Variants in PIKFYVE observed in about 807,000 individuals in gnomAD.
PIKFYVE encodes phosphoinositide kinase, FYVE-type zinc finger containing.
Under a neutral mutation model 257.9 loss-of-function variants are expected in PIKFYVE, and 122 were observed. That is an observed-to-expected ratio of 0.47 (90% CI 0.41 to 0.55). The LOEUF (loss-of-function observed/expected upper bound fraction) is 0.55, where lower values mean the gene tolerates loss of function less well. Among genes scored for constraint, PIKFYVE ranks in the 20% least tolerant of loss-of-function variants. The pLI is 0.00. For synonymous variants in PIKFYVE, 892 were observed against 868.9 expected, an observed-to-expected ratio of 1.03 and a Z score of -0.47; for missense variants, 2,160 against 2,536.6, an observed-to-expected ratio of 0.85 and a Z score of 3.19.
intron 5 of PIKFYVE, among the ~76,000 whole-genome samples, chr2:208,281,753 A>G (rs771912612): frequency 3.6e-4 from 55 of 152,240 alleles, no homozygotes; most frequent in Non-Finnish European, 6.6e-4. Flanking sequence ...GGTGTTTAAC[A>G]TCCCCAGCTC....
chr2:208,305,541 A>G, intron 12 of PIKFYVE: 1 of 803,952 alleles, frequency 1.2e-6, no homozygotes, highest in Non-Finnish European at 1.5e-6. Context: ...TTTCTTCTCT[A>G]ATGTAAAATG....
At chr2:208,350,105 A>T in intron 36 of PIKFYVE, 22 bp downstream of exon 36, 1 of 1,612,080 alleles carries the variant, frequency 6.2e-7, no homozygotes, top group Non-Finnish European at 8.5e-7. Context: ...ATATTATATC[A>T]TTGGTTTGGG....
At chr2:208,272,516 A>T (rs527331207) in intron 2 of PIKFYVE, among the ~76,000 whole-genome samples, 2 of 152,320 alleles carry the variant, frequency 1.3e-5, no homozygotes, top group South Asian at 2.1e-4. Context: ...ATGTAATGAC[A>T]TCAAATGGAA....
In PIKFYVE at chr2:208,350,215, G is replaced by A. The variant is rs954430321; in HGVS notation, c.5434+132G>A. 5 of 1,298,230 alleles carry A rather than the reference G, an allele frequency of 3.9e-6. No individual in the cohort carries two copies. The African/African-American group carries it at 6.0e-5, about 16-fold the overall frequency. The allele number at this position is 1,298,230 out of a possible 1,614,324, so 80.4% of individuals were successfully genotyped here. A position where few individuals can be genotyped will look rare whatever the true frequency, so the allele number is the denominator to read the frequency against. ...GAAATGAATATTAAGTCTTTATGCTGACATGAGGTATATTTAATCAACAGT... is the reference window on the plus strand; with the variant it reads ...GAAATGAATATTAAGTCTTTATGCTAACATGAGGTATATTTAATCAACAGT... On this transcript the variant is annotated intron_variant, in intron 36 of 41. Coordinates refer to ENST00000264380, the MANE Select transcript of PIKFYVE (RefSeq NM_015040.4).
intron 18 of PIKFYVE, 68 bp from the exon 19 acceptor site, chr2:208,324,843 C>T: frequency 2.6e-6 from 4 of 1,554,868 alleles, no homozygotes; most frequent in Non-Finnish European, 3.5e-6. Flanking sequence ...CATTACTTTT[C>T]CAGATTAAAT....
rs1696740394 is a variant in PIKFYVE at position 208,324,903 on chromosome 2, T to C, written c.2332-8T>C. ...AGTTTTGTAATACAATGTTTTTCTG[T>C]TTTGTAGCAAGTTTTGGAACGAATC... On this transcript the variant is annotated splice_region_variant and splice_polypyrimidine_tract_variant and intron_variant, in intron 18 of 41. Coordinates refer to ENST00000264380, the MANE Select transcript of PIKFYVE (RefSeq NM_015040.4). The C allele has an allele frequency of 6.2e-7, 1 of 1,613,604 alleles. No individual in the cohort carries two copies. The highest frequency in any genetic ancestry group is 8.5e-7 in the Non-Finnish European group (1 of 1,179,566).
chr2:208,293,759 T>A (rs1692617836), intron 7 of PIKFYVE, among the ~76,000 whole-genome samples: 2 of 151,932 alleles, frequency 1.3e-5, no homozygotes, highest in Admixed American at 1.3e-4. Context: ...CAAGCGATCC[T>A]CTTGCTTTGG....
chr2:208,349,528 T>C (rs889995334), intron 35 of PIKFYVE, among the ~76,000 whole-genome samples: 1 of 149,942 alleles, frequency 6.7e-6, no homozygotes, highest in Non-Finnish European at 1.5e-5. Context: ...TAATTATATA[T>C]GTTATAGGCT....
At chr2:208,333,714 G>A (rs1020620712) in intron 24 of PIKFYVE, among the ~76,000 whole-genome samples, 3 of 152,066 alleles carry the variant, frequency 2.0e-5, no homozygotes, top group Non-Finnish European at 4.4e-5. Context: ...CAGAGCTTAC[G>A]ATCATTCACT....
At position 208,276,782 on chromosome 2, in the gene PIKFYVE, C is replaced by T. The variant is rs1345026598; in HGVS notation, c.393C>T (p.Leu131=). ...GTACAGCTGTTCAGCTTCGAAGCCT[C>T]AGCACAGTATTAAAACGCCTCAAGG... The part of the protein sequence containing the change: ...DPRTAVQLRS[L]STVLKRLKEI... Residue 131 remains leucine (L), a synonymous_variant, in exon 4 of 42, where the codon CTC becomes CTT. Transcript: ENST00000264380. 6.2e-7 allele frequency: 1 copy of T among 1,613,612 alleles called. No homozygotes were observed. The highest frequency in any genetic ancestry group is 1.1e-5 in the South Asian group (1 of 91,058).
At chr2:208,269,916 G>T in intron 1 of PIKFYVE, 1 of 272,922 alleles carries the variant, frequency 3.7e-6, no homozygotes, top group African/African-American at 2.3e-5. Context: ...TTTGGAGATG[G>T]AGGGCCCTGC....
intron 19 of PIKFYVE, 86 bp from the exon 20 acceptor site, chr2:208,325,184 A>C: frequency 1.3e-6 from 2 of 1,557,896 alleles, no homozygotes; most frequent in Non-Finnish European, 1.8e-6. Flanking sequence ...TTTCTTTTAC[A>C]GATATTAAGA....
Position 208,325,393 on chromosome 2 carries a change from G to A in PIKFYVE, c.2582G>A (p.Cys861Tyr), listed in dbSNP as rs1696805589. ...RVKEILIFMI[C>Y]VAYHSQLEIS... Reference sequence around the variant, plus strand: ...AAGGAGATCCTAATATTTATGATCTGTGTTGCTTATCATTCTCAACTAGAA... The same window carrying A: ...AAGGAGATCCTAATATTTATGATCTATGTTGCTTATCATTCTCAACTAGAA... Residue 861 changes from cysteine to tyrosine, a missense_variant, in exon 20 of 42, where the codon TGT (cysteine) becomes TAT (tyrosine). Cys to Tyr is a radical substitution (Grantham distance 194). Around this residue, in one of 12 missense-constraint regions of PIKFYVE, gnomAD observed 522 missense variants for 514.6 expected, o/e 1.01. Transcript: ENST00000264380. 1.9e-6 allele frequency: 3 copies of A among 1,613,980 alleles called. No individual in the cohort carries two copies. Among genetic ancestry groups the A allele is most frequent in the African/African-American group, 1.3e-5 (1 of 74,906 alleles).
rs770072196 is a variant in PIKFYVE at position 208,273,542 on chromosome 2, A to G, written c.173-42A>G. 6 of 1,612,806 alleles carry G rather than the reference A, an allele frequency of 3.7e-6. No homozygotes were observed. The South Asian group carries it at 6.6e-5, about 18-fold the overall frequency. On this transcript the variant is annotated intron_variant, in intron 2 of 41. Coordinates refer to ENST00000264380, the MANE Select transcript of PIKFYVE (RefSeq NM_015040.4). ...TCATCTACTTCCTTCTCATTGCTGA[A>G]CTCTCAGTCTTTAAATAATGCCAAG...
intron 15 of PIKFYVE, among the ~76,000 whole-genome samples, chr2:208,317,350 A>G (rs1442264202): frequency 3.9e-5 from 6 of 152,196 alleles, no homozygotes; most frequent in East Asian, 1.9e-4. Context: ...AAAAGAAGAC[A>G]TTTATGCAGC....
intron 34 of PIKFYVE, 40 bp downstream of exon 34, chr2:208,346,187 C>G: frequency 2.8e-6 from 4 of 1,432,692 alleles, no homozygotes; most frequent in Non-Finnish European, 2.9e-6. Flanking sequence ...ATTAGATTTA[C>G]CTATAATTAT....
intron 2 of PIKFYVE, 59 bp from the exon 3 acceptor site, chr2:208,273,525 T>G: frequency 6.2e-7 from 1 of 1,607,958 alleles, no homozygotes; most frequent in South Asian, 1.1e-5. Flanking sequence ...TTTCATCTAC[T>G]TCCTTCTCAT....
chr2:208,316,625 A>G (rs1175525448), intron 15 of PIKFYVE, among the ~76,000 whole-genome samples: 1 of 152,176 alleles, frequency 6.6e-6, no homozygotes, highest in Non-Finnish European at 1.5e-5. Flanking sequence ...CTCTGATGAA[A>G]AAACCACTTT....
chr2:208,309,572 A>C (rs531626910), intron 12 of PIKFYVE, among the ~76,000 whole-genome samples: 1 of 152,354 alleles, frequency 6.6e-6, no homozygotes, highest in African/African-American at 2.4e-5. Context: ...AGACATCTGA[A>C]AACCATGCTA....
Sources: allele counts gnomAD v4.1 joint callset (sites outside exome capture counted in the v4.1 genomes callset), GRCh38; gene constraint gnomAD v4.1.1; regional missense constraint gnomAD v4.1.1; transcripts MANE v1.5; gene names NCBI Gene and HGNC (gene_info 2026-07-23, HGNC 2026-07-21).